ARHGAP28: variants seen among roughly 807,000 people sequenced by gnomAD.
The protein encoded by ARHGAP28 is rho GTPase-activating protein 28.
ARHGAP28 carries 56 observed loss-of-function variants against 90.7 expected under a neutral mutation model. That is an observed-to-expected ratio of 0.62 (90% CI 0.50 to 0.77). The LOEUF (loss-of-function observed/expected upper bound fraction) is 0.77. Ranked by LOEUF, ARHGAP28 falls within the 30% of genes least tolerant of loss-of-function variation. The pLI, the probability that ARHGAP28 is intolerant of heterozygous loss-of-function variation, is 0.00. For missense variants in ARHGAP28, 869 were observed against 900.9 expected (o/e 0.96, Z 0.45); for synonymous variants, 308 against 323.3 (o/e 0.95, Z 0.51).
chr18:6,765,979 T>G (rs978303857), intron 1 of ARHGAP28, among the ~76,000 whole-genome samples: 1 of 152,358 alleles, frequency 6.6e-6, no homozygotes, highest in South Asian at 2.1e-4. Context: ...AAGAACATAC[T>G]TTGCATGAAT....
chr18:6,874,094 G>C (rs1282594672), intron 9 of ARHGAP28, among the ~76,000 whole-genome samples: 1 of 152,154 alleles, frequency 6.6e-6, no homozygotes, highest in Non-Finnish European at 1.5e-5. Context: ...TGTTATTTGC[G>C]CATATGAATG....
intron 1 of ARHGAP28, among the ~76,000 whole-genome samples, chr18:6,751,172 G>A (rs1438165632): frequency 2.6e-5 from 4 of 151,940 alleles, no homozygotes; most frequent in Non-Finnish European, 4.4e-5. Flanking sequence ...CAAAATAACT[G>A]ACTGCTTAAA....
chr18:6,802,386 C>A (rs1192211790), intron 1 of ARHGAP28, among the ~76,000 whole-genome samples: 1 of 116,594 alleles, frequency 8.6e-6, no homozygotes, highest in East Asian at 2.4e-4. Context: ...CACTCTGTTG[C>A]CCAGGCTGGA....
intron 7 of ARHGAP28, 72 bp downstream of exon 7, chr18:6,870,804 T>C (rs1385909134): frequency 2.1e-5 from 31 of 1,478,116 alleles, no homozygotes; most frequent in Non-Finnish European, 2.0e-5. Context: ...GATTTCTTTT[T>C]CTTTTTTTTT....
intron 3 of ARHGAP28, among the ~76,000 whole-genome samples, chr18:6,837,881 A>T (rs757807444): frequency 6.6e-6 from 1 of 152,202 alleles, no homozygotes; most frequent in African/African-American, 2.4e-5. Flanking sequence ...AGATACCAGC[A>T]TTAATTAAGT....
chr18:6,840,177 G>C (rs1052824626), intron 3 of ARHGAP28, among the ~76,000 whole-genome samples: 3 of 152,142 alleles, frequency 2.0e-5, no homozygotes, highest in African/African-American at 7.2e-5. Flanking sequence ...CCTGAGCCTG[G>C]GAATTCTTCT....
At chr18:6,904,690 G>C (rs1003263512) in intron 16 of ARHGAP28, among the ~76,000 whole-genome samples, 1 of 151,994 alleles carries the variant, frequency 6.6e-6, no homozygotes, top group African/African-American at 2.4e-5. Flanking sequence ...CTCCTAGAAA[G>C]ACTAACAAAG....
intron 1 of ARHGAP28, among the ~76,000 whole-genome samples, chr18:6,766,894 C>T (rs868845150): frequency 1.3e-5 from 2 of 152,120 alleles, no homozygotes; most frequent in African/African-American, 2.4e-5. Context: ...TTATGATTAA[C>T]GCTTGCATGT....
chr18:6,736,683 G>T (rs576595258), intron 1 of ARHGAP28, among the ~76,000 whole-genome samples: 69 of 148,086 alleles, frequency 4.7e-4, no homozygotes, highest in Non-Finnish European at 8.6e-4. Context: ...GGAGGCGGAG[G>T]TTGTGGTGAG....
At chr18:6,767,816 C>T (rs185066570) in intron 1 of ARHGAP28, among the ~76,000 whole-genome samples, 40 of 152,096 alleles carry the variant, frequency 2.6e-4, no homozygotes, top group Non-Finnish European at 3.1e-4. Flanking sequence ...TATCTTTCTT[C>T]GAGTTCACTG....
At chr18:6,756,221 C>G (rs2056108663) in intron 1 of ARHGAP28, among the ~76,000 whole-genome samples, 1 of 152,162 alleles carries the variant, frequency 6.6e-6, no homozygotes, top group African/African-American at 2.4e-5. Context: ...GCCAACTATT[C>G]TTTTATTATA....
chr18:6,839,483 G>C (rs1481517964), intron 3 of ARHGAP28, among the ~76,000 whole-genome samples: 4 of 152,042 alleles, frequency 2.6e-5, no homozygotes, highest in South Asian at 2.1e-4. Flanking sequence ...ATTTGTAGTA[G>C]AGACAGGGTT....
intron 10 of ARHGAP28, among the ~76,000 whole-genome samples, chr18:6,879,133 G>C (rs2057157135): frequency 6.6e-6 from 1 of 152,128 alleles, no homozygotes. Flanking sequence ...TCCCAGACTT[G>C]AGGCCTCAGC....
At position 6,841,167 on chromosome 18, in the gene ARHGAP28, CCTCTCTCTCTCTCCT is replaced by C. The variant is rs1214817180; in HGVS notation, c.543+3767_543+3781del. Reference sequence around the variant, plus strand: ...CTGTCTCTCTCCTCTTTCTCTCTCTCCTCTCTCTCTCTCCTCTCTCTCTCTCTCTCTCTCTCCTCT... The same window carrying C: ...CTGTCTCTCTCCTCTTTCTCTCTCTCCTCTCTCTCTCTCTCTCTCTCCTCT... On this transcript the variant is annotated intron_variant, in intron 3 of 17. Transcript: ENST00000383472. Among the ~76,000 whole-genome samples the C allele has an allele frequency of 9.5e-4, 76 of 79,948 alleles. 2 individuals carry two copies. The highest frequency in any genetic ancestry group is 7.1e-3 in the East Asian group (28 of 3,956). 52.4% of individuals were successfully genotyped at this position (79,948 alleles called of 152,430 possible). A position where few individuals can be genotyped will look rare whatever the true frequency, so the allele number is the denominator to read the frequency against.
chr18:6,900,018 T>C (rs1337633612), intron 16 of ARHGAP28, among the ~76,000 whole-genome samples: 1 of 152,040 alleles, frequency 6.6e-6, no homozygotes, highest in African/African-American at 2.4e-5. Flanking sequence ...AACAAGGAAG[T>C]GTTAGCTTCT....
chr18:6,884,353 G>A (rs1056508423), intron 11 of ARHGAP28, among the ~76,000 whole-genome samples: 4 of 152,116 alleles, frequency 2.6e-5, no homozygotes, highest in African/African-American at 9.7e-5. Flanking sequence ...CAGCCTGGGC[G>A]ACAGAGCAAG....
At chr18:6,908,436 G>A (rs1415176016) in intron 16 of ARHGAP28, among the ~76,000 whole-genome samples, 10 of 152,136 alleles carry the variant, frequency 6.6e-5, no homozygotes, top group Non-Finnish European at 1.5e-4. Flanking sequence ...ACCGTGTCCG[G>A]CCGTGACTTG....
intron 16 of ARHGAP28, among the ~76,000 whole-genome samples, chr18:6,907,990 C>T (rs1215095314): frequency 2.0e-5 from 3 of 152,248 alleles, no homozygotes; most frequent in Admixed American, 1.3e-4. Flanking sequence ...AAAGTCACTC[C>T]TTGATGGGGA....
At chr18:6,837,823 G>A (rs551441966) in intron 3 of ARHGAP28, among the ~76,000 whole-genome samples, 1 of 152,242 alleles carries the variant, frequency 6.6e-6, no homozygotes, top group Non-Finnish European at 1.5e-5. Flanking sequence ...GAGAGATTGG[G>A]TAGGGTAGCC....
Sources: allele counts gnomAD v4.1 joint callset (sites outside exome capture counted in the v4.1 genomes callset), GRCh38; gene constraint gnomAD v4.1.1; transcripts MANE v1.5; gene names NCBI Gene and HGNC (gene_info 2026-07-23, HGNC 2026-07-21).